STARD9: variants seen among roughly 807,000 people sequenced by gnomAD.
STARD9 encodes the protein stAR-related lipid transfer protein 9.
STARD9 carries 346 observed loss-of-function variants against 399.8 expected under a neutral mutation model. That is an observed-to-expected ratio of 0.87 (90% confidence interval 0.79 to 0.95). The LOEUF (loss-of-function observed/expected upper bound fraction) is 0.95. STARD9 is among the 40% of genes least tolerant of loss of function. STARD9 has a pLI of 0.00. For synonymous variants in STARD9, 2,203 were observed against 2,143.5 expected (o/e 1.03, Z -0.77); for missense variants, 5,832 against 5,667.5 (o/e 1.03, Z -0.93).
intron 26 of STARD9, among the ~76,000 whole-genome samples, chr15:42,703,220 C>G (rs12442544): frequency 6.8e-4 from 104 of 152,254 alleles, no homozygotes; most frequent in Non-Finnish European, 1.1e-3. Flanking sequence ...TTTTACCTTT[C>G]CATACCTCAA....
At chr15:42,652,166 A>G (rs1462741758) in intron 8 of STARD9, among the ~76,000 whole-genome samples, 1 of 152,220 alleles carries the variant, frequency 6.6e-6, no homozygotes, top group Non-Finnish European at 1.5e-5. Flanking sequence ...AATAAAATAA[A>G]GTGAAAGAAT....
chr15:42,599,257 C>T (rs2058576146), intron 3 of STARD9, among the ~76,000 whole-genome samples: 3 of 152,156 alleles, frequency 2.0e-5, no homozygotes, highest in Admixed American at 1.3e-4. Context: ...TGTTTTGTTT[C>T]CTCAACTGTA....
At chr15:42,595,961 T>G (rs1047197246) in intron 3 of STARD9, among the ~76,000 whole-genome samples, 22 of 152,222 alleles carry the variant, frequency 1.4e-4, no homozygotes, top group Admixed American at 1.4e-3. Flanking sequence ...TGTGAATCTT[T>G]AAAGAGTAAT....
chr15:42,689,461 T>C lies in STARD9; in HGVS notation c.7883T>C (p.Ile2628Thr), dbSNP rs550098890. The C allele has an allele frequency of 1.1e-4, 175 of 1,537,378 alleles. No homozygotes were observed. The African/African-American group carries it at 2.1e-3, about 18-fold the overall frequency. The change falls in exon 23 of 33, where the codon ATA becomes ACA. Residue 2628 changes from isoleucine (I) to threonine (T), a missense_variant. Physicochemically the swap from Ile to Thr is moderately conservative, Grantham distance 89. Transcript: ENST00000290607. ...TCTCTATCTGCTGAAGCAGGGCAGA[T>C]AGATCTGTTACCTGATGAGAGGAAA... ...VASLSAEAGQIDLLPDERKVQ... is the reference protein window; with the variant it reads ...VASLSAEAGQTDLLPDERKVQ...
chr15:42,665,930 C>A, intron 15 of STARD9, 82 bp downstream of exon 15: 1 of 1,176,284 alleles, frequency 8.5e-7, no homozygotes, highest in Non-Finnish European at 1.2e-6. Flanking sequence ...AGGGTTGCTC[C>A]CTTGGCAGGG....
chr15:42,646,298 T>TA (rs1487556470), intron 7 of STARD9, among the ~76,000 whole-genome samples: 3 of 152,252 alleles, frequency 2.0e-5, no homozygotes, highest in Non-Finnish European at 4.4e-5. Context: ...TTTCTAGCTA[T>TA]AAAAATCCTA....
rs756003148 is a variant in STARD9, at chr15:42,685,047, C to G, written c.3469C>G (p.Gln1157Glu). 23 of 1,537,096 alleles carry G rather than the reference C, an allele frequency of 1.5e-5. No individual in the cohort carries two copies. The highest frequency in any genetic ancestry group is 1.8e-5 in the Non-Finnish European group (21 of 1,146,942). ...GGACTCACTGGCTGAGAAGAGGTACCAAAGCCCCAAAAACAGGCTAGGGGG... is the reference window on the plus strand; with the variant it reads ...GGACTCACTGGCTGAGAAGAGGTACGAAAGCCCCAAAAACAGGCTAGGGGG... ...SEDSLAEKRY[Q>E]SPKNRLGGNR... The change falls in exon 23 of 33, where the codon CAA (glutamine) becomes GAA (glutamate). Residue 1157 changes from glutamine to glutamate, a missense_variant. Transcript: ENST00000290607.
rs1211133946 is a variant in STARD9 at position 42,716,747 on chromosome 15, G to A, written c.13355G>A (p.Arg4452Lys). ...GAGCGAGGAGGCCATTCTGCAGTGA[G>A]GAAGAACTCTGCCTACAGTGAGTTG... ...GDERGGHSAV[R>K]KNSAYSHRAS... Residue 4452 changes from arginine (R) to lysine (K), a missense_variant, in exon 27 of 33, where the codon AGG (arginine) becomes AAG (lysine). Arg to Lys is a conservative substitution (Grantham distance 26, BLOSUM62 2). Transcript: ENST00000290607. 1.3e-6 allele frequency: 2 copies of A among 1,536,776 alleles called. No homozygotes were observed. Among genetic ancestry groups the A allele is most frequent in the Non-Finnish European group, 1.7e-6 (2 of 1,146,466 alleles).
chr15:42,691,793 T>A lies in STARD9; in HGVS notation c.10215T>A (p.Pro3405=). The A allele has an allele frequency of 6.5e-7, 1 of 1,537,130 alleles. No homozygotes were observed. Among genetic ancestry groups the A allele is most frequent in the South Asian group, 1.2e-5 (1 of 84,048 alleles). The change falls in exon 23 of 33, where the codon CCT becomes CCA. Residue 3405 remains proline, a synonymous_variant. Transcript: ENST00000290607. ...TDHRHLKPAT[P]PYPMPSTLSH... is the part of the protein sequence containing the mutation. ...ACAGGCACCTGAAGCCTGCCACCCCTCCTTATCCAATGCCTTCCACTCTCT... is the reference window on the plus strand; with the variant it reads ...ACAGGCACCTGAAGCCTGCCACCCCACCTTATCCAATGCCTTCCACTCTCT...
intron 1 of STARD9, among the ~76,000 whole-genome samples, chr15:42,581,665 G>C (rs1005203689): frequency 8.5e-6 from 1 of 117,986 alleles, no homozygotes; most frequent in African/African-American, 2.6e-5. Flanking sequence ...CTCGCCAGCA[G>C]CCTCAGCAGC....
intron 26 of STARD9, among the ~76,000 whole-genome samples, chr15:42,699,056 C>T (rs1271304723): frequency 6.6e-6 from 1 of 152,030 alleles, no homozygotes; most frequent in Non-Finnish European, 1.5e-5. Flanking sequence ...ATAATTGACA[C>T]ATAATGTAAA....
chr15:42,716,654 C>T (rs955358709), intron 26 of STARD9, 23 bp from the exon 27 acceptor site: 7 of 1,461,530 alleles, frequency 4.8e-6, no homozygotes, highest in African/African-American at 1.4e-5. Flanking sequence ...CTGGCTCTGT[C>T]CTGAGTATCC....
Position 42,718,869 on chromosome 15 carries a change from G to C in STARD9, c.13960G>C (p.Val4654Leu). Residue 4654 changes from valine to leucine, a missense_variant, in exon 32 of 33, where the codon GTG becomes CTG. Coordinates refer to ENST00000290607, the MANE Select transcript of STARD9 (RefSeq NM_020759.3). ...TGCCTGGATCTTGCAGCCCATCACT[G>C]TGGAAGGGAAGGAAGTCACCAGAGT... Reference protein sequence around the residue: ...PSAWILQPITVEGKEVTRVIY... With the variant: ...PSAWILQPITLEGKEVTRVIY... 6.5e-7 allele frequency: 1 copy of C among 1,537,248 alleles called. No homozygotes were observed.
rs559835060 is a variant in STARD9, at chr15:42,601,141, C to T, written c.234+15504C>T. ...TGCACTGCCCTTAATCCATTTAACC[C>T]TTAGTGGACACAGCACATGTTTCAG... On this transcript the variant is annotated intron_variant, in intron 3 of 32. Transcript: ENST00000290607. Among the ~76,000 whole-genome samples the T allele has an allele frequency of 5.3e-5, 8 of 152,212 alleles. No individual in the cohort carries two copies. In the East Asian group the frequency reaches 1.2e-3, roughly 22 times the overall value.
rs1265683335 is a variant in STARD9 at position 42,688,710 on chromosome 15, G to A, written c.7132G>A (p.Val2378Ile). 2 of 1,537,756 alleles carry A rather than the reference G, an allele frequency of 1.3e-6. No homozygotes were observed. The highest frequency in any genetic ancestry group is 2.0e-5 in the Admixed American group (1 of 51,010). ...KIHNSPLVTG[V>I]EHQDQSTETR... ...TCATAACAGTCCCTTGGTAACTGGAGTAGAGCATCAGGACCAGAGTACGGA... is the reference window on the plus strand; with the variant it reads ...TCATAACAGTCCCTTGGTAACTGGAATAGAGCATCAGGACCAGAGTACGGA... Residue 2378 changes from valine (V) to isoleucine (I), a missense_variant, in exon 23 of 33, where the codon GTA (valine) becomes ATA (isoleucine). Val to Ile is a conservative substitution (Grantham distance 29). Transcript: ENST00000290607.
At chr15:42,708,606 T>C (rs994279597) in intron 26 of STARD9, among the ~76,000 whole-genome samples, 2 of 152,250 alleles carry the variant, frequency 1.3e-5, no homozygotes, top group African/African-American at 2.4e-5. Context: ...ATTGTGATAG[T>C]TTCTCAGTCT....
chr15:42,606,025 G>T (rs950174955), intron 3 of STARD9, among the ~76,000 whole-genome samples: 2 of 152,130 alleles, frequency 1.3e-5, no homozygotes, highest in Non-Finnish European at 2.9e-5. Flanking sequence ...TCAATTTCAG[G>T]GTTTGGAAAA....
chr15:42,678,824 CAT>C lies in STARD9; in HGVS notation c.1875-2597_1875-2596del, dbSNP rs1297827721. Among the ~76,000 whole-genome samples the C allele has an allele frequency of 2.0e-5, 3 of 152,310 alleles. No individual in the cohort carries two copies. In the East Asian group the frequency reaches 5.8e-4, roughly 29 times the overall value. ...ACTTGCCCTTTGTAATCTAGCCAGA[CAT>C]GTAGTATAAGGTTGCTATTTTCTTT... is the stretch of plus-strand genomic sequence containing the variant. On this transcript the variant is annotated intron_variant, in intron 20 of 32. Transcript: ENST00000290607.
chr15:42,639,648 A>G (rs1389912841), intron 7 of STARD9, among the ~76,000 whole-genome samples: 1 of 152,140 alleles, frequency 6.6e-6, no homozygotes, highest in African/African-American at 2.4e-5. Context: ...AATTTGCTGG[A>G]GGTCAGGAGT....
Sources: gnomAD v4.1 joint callset for allele counts (sites outside exome capture counted in the v4.1 genomes callset) on GRCh38, gnomAD v4.1.1 for gene constraint, MANE v1.5 for transcripts, NCBI Gene and HGNC (gene_info 2026-07-23, HGNC 2026-07-21) for gene names.